Variants in KDM4B observed in about 807,000 individuals in gnomAD.
The protein encoded by KDM4B is lysine demethylase 4B.
Under a neutral mutation model 125.2 loss-of-function variants are expected in KDM4B, and 32 were observed. That is an observed-to-expected ratio of 0.26 (90% confidence interval 0.19 to 0.34). The LOEUF (loss-of-function observed/expected upper bound fraction) is 0.34. Ranked by LOEUF, KDM4B falls within the 10% of genes least tolerant of loss-of-function variation. The pLI, the probability that KDM4B is intolerant of heterozygous loss-of-function variation, is 1.00. For missense variants in KDM4B, 1,190 were observed against 1,577.7 expected (o/e 0.75, Z 4.16); for synonymous variants, 721 against 677.9 (o/e 1.06, Z -0.99).
intron 9 of KDM4B, among the ~76,000 whole-genome samples, chr19:5,100,113 C>T (rs1568297644): frequency 6.6e-6 from 1 of 152,188 alleles, no homozygotes; most frequent in Non-Finnish European, 1.5e-5. Context: ...CTGTTTTTCT[C>T]CCTTCTGGAG....
At chr19:5,131,665 G>GTGGGGC in intron 12 of KDM4B, 120 bp downstream of exon 12, 3 of 634,794 alleles carry the variant, frequency 4.7e-6, no homozygotes, top group African/African-American at 1.9e-5. Flanking sequence ...GAGGGGACAG[G>GTGGGGC]AGGGCTGACT....
intron 6 of KDM4B, among the ~76,000 whole-genome samples, chr19:5,059,587 G>C (rs763336025): frequency 2.1e-4 from 32 of 152,212 alleles, no homozygotes; most frequent in Non-Finnish European, 5.9e-5. Flanking sequence ...GAACAGGAGC[G>C]CGTAGCCTCA....
intron 9 of KDM4B, among the ~76,000 whole-genome samples, chr19:5,089,713 A>C (rs200266609): frequency 6.1e-5 from 9 of 147,364 alleles, no homozygotes; most frequent in Non-Finnish European, 1.1e-4. Context: ...AAAAAAAAAA[A>C]CCCACATACT....
intron 1 of KDM4B, among the ~76,000 whole-genome samples, chr19:5,015,549 G>T (rs972181054): frequency 1.3e-5 from 2 of 152,176 alleles, no homozygotes; most frequent in South Asian, 4.2e-4. Context: ...ACCTCGCCCC[G>T]CCATGAAAGT....
At chr19:5,054,301 G>A (rs775793624) in intron 6 of KDM4B, among the ~76,000 whole-genome samples, 9 of 152,050 alleles carry the variant, frequency 5.9e-5, no homozygotes, top group African/African-American at 2.2e-4. Context: ...GGCTGGTCTC[G>A]AACTCCTGGG....
intron 11 of KDM4B, among the ~76,000 whole-genome samples, chr19:5,128,820 G>C (rs1209400873): frequency 1.6e-5 from 2 of 128,632 alleles, no homozygotes; most frequent in Admixed American, 9.3e-5. Context: ...CCCCTGGCCA[G>C]ATAACAGCTG....
chr19:5,040,082 G>A lies in KDM4B; in HGVS notation c.317+71G>A, dbSNP rs1599477347. On this transcript the variant is annotated intron_variant, in intron 4 of 22. Transcript: ENST00000159111. ...ACACCTGCTCATGGGGGCCCTGGGG[G>A]CAGAGAAGGTGCGGTACACGCAGCC... 4.7e-6 allele frequency: 7 copies of A among 1,482,746 alleles called. No individual in the cohort carries two copies. In the East Asian group the frequency reaches 1.7e-4, roughly 36 times the overall value. 91.8% of individuals were successfully genotyped at this position (1,482,746 alleles called of 1,614,324 possible). A position where few individuals can be genotyped will look rare whatever the true frequency, so the allele number is the denominator to read the frequency against.
At chr19:5,140,192 A>G (rs2039716433) in intron 18 of KDM4B, 2 of 152,460 alleles carry the variant, frequency 1.3e-5, no homozygotes, top group African/African-American at 4.8e-5. Flanking sequence ...AGTGTCACCT[A>G]CTGCATTTGA....
intron 1 of KDM4B, among the ~76,000 whole-genome samples, chr19:5,010,718 G>A (rs995939875): frequency 2.6e-5 from 4 of 152,238 alleles, no homozygotes; most frequent in African/African-American, 9.6e-5. Flanking sequence ...CGCGATCTTC[G>A]CTCACTGCAA....
At chr19:5,024,990 G>A (rs1025560721) in intron 2 of KDM4B, among the ~76,000 whole-genome samples, 7 of 152,224 alleles carry the variant, frequency 4.6e-5, no homozygotes, top group South Asian at 2.1e-4. Context: ...TACAATTTGC[G>A]AACCATACAA....
rs371548804 is a variant in KDM4B, at chr19:5,114,547, G to A, written c.1115+3729G>A. The A allele has an allele frequency of 3.1e-5, 11 of 349,234 alleles. No individual in the cohort carries two copies. Among genetic ancestry groups the A allele is most frequent in the African/African-American group, 1.9e-4 (9 of 46,566 alleles). 21.6% of individuals were successfully genotyped at this position (349,234 alleles called of 1,614,324 possible). The stretch of plus-strand genomic sequence containing the variant: ...ACCTGCCAGCCCCTGCAGGGAGTGC[G>A]CAGCCTCAGGGACTCACTTGCTGTC... On this transcript the variant is annotated intron_variant, in intron 10 of 22. Transcript: ENST00000159111. The surrounding 1 kb of genome is among the most constrained non-coding windows in gnomAD (Gnocchi z 5.8).
rs113578865 is a variant in KDM4B, at chr19:4,972,379, G to C, written c.-109+3149G>C. Among the ~76,000 whole-genome samples, 8 of 152,298 alleles carry C rather than the reference G, an allele frequency of 5.3e-5. 2 individuals are homozygous for C. Among genetic ancestry groups the C allele is most frequent in the African/African-American group, 1.9e-4 (8 of 41,562 alleles). ...TTGTGAGGATCAAAGCGGGTAAAAG[G>C]CGCTGAAGCTTGCAGGGTGCCAGGA... On this transcript the variant is annotated intron_variant, in intron 1 of 22. Coordinates refer to ENST00000159111, the MANE Select transcript of KDM4B (RefSeq NM_015015.3).
chr19:5,057,991 A>T (rs1340307790), intron 6 of KDM4B, among the ~76,000 whole-genome samples: 1 of 152,146 alleles, frequency 6.6e-6, no homozygotes, highest in Non-Finnish European at 1.5e-5. Context: ...AGAGGGACTG[A>T]TGGGCTGCTT....
chr19:5,115,781 C>T lies in KDM4B; in HGVS notation c.1116-3872C>T, dbSNP rs1246330123. 2.0e-5 allele frequency among the ~76,000 whole-genome samples: 3 copies of T among 152,120 alleles called. No homozygotes were observed. The highest frequency in any genetic ancestry group is 4.4e-5 in the Non-Finnish European group (3 of 68,028). On this transcript the variant is annotated intron_variant, in intron 10 of 22. Transcript: ENST00000159111. The surrounding 1 kb of genome is among the most constrained non-coding windows in gnomAD (Gnocchi z 4.2). ...AGGAACGAGTGGCTCTCGGATGTTA[C>T]CATCTAGAGAAGAGACAAGCCCACA...
chr19:4,983,221 A>G (rs1263414070), intron 1 of KDM4B, among the ~76,000 whole-genome samples: 1 of 142,580 alleles, frequency 7.0e-6, no homozygotes, highest in African/African-American at 2.7e-5. Context: ...TCATTTGGGG[A>G]GGGCCCTGGC....
Position 5,114,238 on chromosome 19 carries a change from G to A in KDM4B, c.1115+3420G>A, listed in dbSNP as rs1005224827. The stretch of plus-strand genomic sequence containing the variant: ...CTCCAGCAGGTACGCGCTCCCTGCA[G>A]GACATCTGTGCACCCGCCTCACCAC... On this transcript the variant is annotated intron_variant, in intron 10 of 22. Transcript: ENST00000159111. This position sits in a 1 kb window ranked among gnomAD's most constrained non-coding sequence, Gnocchi z 5.8. The A allele has an allele frequency of 7.8e-7, 1 of 1,289,140 alleles. No individual in the cohort carries two copies. The highest frequency in any genetic ancestry group is 1.0e-6 in the Non-Finnish European group (1 of 988,366). 79.9% of individuals were successfully genotyped at this position (1,289,140 alleles called of 1,614,324 possible). A position where few individuals can be genotyped will look rare whatever the true frequency, so the allele number is the denominator to read the frequency against.
chr19:4,977,593 G>T (rs542477542), intron 1 of KDM4B, among the ~76,000 whole-genome samples: 1 of 152,360 alleles, frequency 6.6e-6, no homozygotes, highest in African/African-American at 2.4e-5. Flanking sequence ...CAGGGAGAGA[G>T]CGTGGAGACA....
intron 6 of KDM4B, among the ~76,000 whole-genome samples, chr19:5,070,247 C>T (rs2037903333): frequency 6.6e-6 from 1 of 152,098 alleles, no homozygotes; most frequent in Non-Finnish European, 1.5e-5. Context: ...GGGTGGTGTC[C>T]CCGTTGGCAC....
chr19:5,135,614 T>G, intron 15 of KDM4B, 53 bp downstream of exon 15: 1 of 1,458,708 alleles, frequency 6.9e-7, no homozygotes, highest in African/African-American at 1.4e-5. Flanking sequence ...AGGGTGTTGG[T>G]GGGGGTGCCG....
Sources: gnomAD v4.1 joint callset for allele counts (sites outside exome capture counted in the v4.1 genomes callset) on GRCh38, gnomAD v4.1.1 for gene constraint, Gnocchi (gnomAD v3.1) non-coding constraint, MANE v1.5 for transcripts, NCBI Gene and HGNC (gene_info 2026-07-23, HGNC 2026-07-21) for gene names.